Variants in STAU2 observed in about 807,000 individuals in gnomAD.
STAU2 encodes the protein staufen double-stranded RNA binding protein 2, also known as double-stranded RNA-binding protein Staufen homolog 2.
A neutral mutation model predicts 65.9 loss-of-function variants in STAU2; 20 were observed. That is an observed-to-expected ratio of 0.30 (90% CI 0.21 to 0.44). STAU2 has a LOEUF of 0.44. Among genes scored for constraint, STAU2 ranks in the 20% least tolerant of loss-of-function variants. The probability of loss-of-function intolerance (pLI) is 1.00; values close to 1 mark genes in which losing one functional copy is unlikely to be tolerated. For synonymous variants in STAU2, 232 were observed against 233.9 expected, an observed-to-expected ratio of 0.99 and a Z score of 0.07; for missense variants, 558 against 683.9, an observed-to-expected ratio of 0.82 and a Z score of 2.05.
intron 13 of STAU2, among the ~76,000 whole-genome samples, chr8:73,539,145 G>A (rs907167144): frequency 9.2e-5 from 14 of 152,140 alleles, no homozygotes; most frequent in South Asian, 2.1e-4. Context: ...AAAATAAAAC[G>A]CAAAACTATT....
At chr8:73,646,908 CAG>C (rs1442398906) in intron 6 of STAU2, among the ~76,000 whole-genome samples, 1 of 148,102 alleles carries the variant, frequency 6.8e-6, no homozygotes, top group Non-Finnish European at 1.5e-5. Context: ...GTGCATAAGA[CAG>C]AGATATTTCA....
chr8:73,505,493 G>T (rs1336037272), intron 13 of STAU2, among the ~76,000 whole-genome samples: 1 of 152,048 alleles, frequency 6.6e-6, no homozygotes. Context: ...TTGAGTCCAA[G>T]AGGACCCCCT....
At chr8:73,539,964 AAG>A (rs200893255) in intron 13 of STAU2, among the ~76,000 whole-genome samples, 3,056 of 152,250 alleles carry the variant, frequency 0.02, 32 homozygotes, top group Middle Eastern at 0.034. Flanking sequence ...CAGAAGGAAA[AAG>A]AGAGAAAAAA....
chr8:73,471,174 T>TC (rs1224565718), intron 13 of STAU2, among the ~76,000 whole-genome samples: 20 of 45,464 alleles, frequency 4.4e-4, no homozygotes, highest in South Asian at 4.0e-3. Flanking sequence ...TAATTCTCTC[T>TC]TTTTTTTTTT....
intron 12 of STAU2, among the ~76,000 whole-genome samples, chr8:73,576,511 G>C (rs1296041380): frequency 6.6e-6 from 1 of 152,098 alleles, no homozygotes; most frequent in Non-Finnish European, 1.5e-5. Flanking sequence ...TTCAGAGATA[G>C]TGGCTACTTC....
At chr8:73,468,971 T>C (rs1819816320) in intron 13 of STAU2, among the ~76,000 whole-genome samples, 1 of 151,892 alleles carries the variant, frequency 6.6e-6, no homozygotes, top group Non-Finnish European at 1.5e-5. Flanking sequence ...ACCCAAAGGA[T>C]TATAAATCAT....
chr8:73,645,973 A>C (rs1455246004), intron 6 of STAU2, among the ~76,000 whole-genome samples: 1 of 152,236 alleles, frequency 6.6e-6, no homozygotes, highest in South Asian at 2.1e-4. Flanking sequence ...CATTGGTACA[A>C]TTGAATATGA....
chr8:73,655,793 T>G (rs13263012), intron 6 of STAU2, among the ~76,000 whole-genome samples: 1 of 151,214 alleles, frequency 6.6e-6, no homozygotes, highest in African/African-American at 2.4e-5. Context: ...GGACTACAGG[T>G]GCCTGCCACC....
intron 11 of STAU2, among the ~76,000 whole-genome samples, chr8:73,592,775 C>T (rs1350694771): frequency 6.6e-6 from 1 of 152,178 alleles, no homozygotes; most frequent in Non-Finnish European, 1.5e-5. Context: ...GGGAGAATCG[C>T]TTGAACCTGA....
intron 13 of STAU2, among the ~76,000 whole-genome samples, chr8:73,461,951 T>C (rs1819374835): frequency 1.3e-5 from 2 of 152,244 alleles, no homozygotes; most frequent in Non-Finnish European, 2.9e-5. Context: ...TTGTCTGCTT[T>C]GATTACCTAA....
At chr8:73,689,875 G>A (rs1280646182) in intron 4 of STAU2, among the ~76,000 whole-genome samples, 3 of 151,838 alleles carry the variant, frequency 2.0e-5, no homozygotes, top group African/African-American at 7.3e-5. Context: ...CAACAACCAT[G>A]TACAATTCTT....
chr8:73,479,280 AT>A (rs1820482042), intron 13 of STAU2, among the ~76,000 whole-genome samples: 1 of 152,068 alleles, frequency 6.6e-6, no homozygotes, highest in Non-Finnish European at 1.5e-5. Context: ...CTGTTTCTTC[AT>A]TTTTTAAATA....
intron 11 of STAU2, among the ~76,000 whole-genome samples, chr8:73,586,701 T>G (rs1236129703): frequency 2.2e-5 from 3 of 134,056 alleles, no homozygotes; most frequent in Admixed American, 2.2e-4. Context: ...CTACACCCAT[T>G]AAACAAGAAT....
chr8:73,561,886 T>C (rs1808257876), intron 12 of STAU2, among the ~76,000 whole-genome samples: 1 of 152,198 alleles, frequency 6.6e-6, no homozygotes. Context: ...CATTTTACAC[T>C]TGAAGGCCCT....
At chr8:73,634,052 A>T (rs1814311195) in intron 6 of STAU2, among the ~76,000 whole-genome samples, 1 of 152,186 alleles carries the variant, frequency 6.6e-6, no homozygotes. Flanking sequence ...CAGAAAAGGA[A>T]ATATAAATGA....
intron 13 of STAU2, among the ~76,000 whole-genome samples, chr8:73,516,702 T>C (rs978746425): frequency 2.6e-5 from 4 of 152,166 alleles, no homozygotes; most frequent in Non-Finnish European, 5.9e-5. Flanking sequence ...GTTACCGCTT[T>C]TCAGTTTTAA....
At chr8:73,454,769 C>A (rs930886519) in intron 13 of STAU2, among the ~76,000 whole-genome samples, 1 of 152,146 alleles carries the variant, frequency 6.6e-6, no homozygotes, top group African/African-American at 2.4e-5. Flanking sequence ...TCTTTCAAGC[C>A]GTGATTAATA....
upstream of STAU2, chr8:73,747,375 C>A: frequency 1.3e-6 from 2 of 1,535,336 alleles, no homozygotes; most frequent in South Asian, 1.2e-5. Context: ...TGCTCTGATT[C>A]CCCGCTCGTA....
intron 14 of STAU2, 106 bp from the exon 15 acceptor site, chr8:73,421,571 A>C: frequency 9.6e-7 from 1 of 1,043,552 alleles, no homozygotes; most frequent in Non-Finnish European, 1.4e-6. Flanking sequence ...CACAAAAGTG[A>C]CATTTTAAAG....
Sources: gnomAD v4.1 joint callset for allele counts (sites outside exome capture counted in the v4.1 genomes callset) on GRCh38, gnomAD v4.1.1 for gene constraint, MANE v1.5 for transcripts, NCBI Gene and HGNC (gene_info 2026-07-23, HGNC 2026-07-21) for gene names.